Variants in AKR1B15 observed in about 807,000 individuals in gnomAD.
AKR1B15 encodes the protein estradiol 17-beta-dehydrogenase AKR1B15.
Under a neutral mutation model 38.5 loss-of-function variants are expected in AKR1B15, and 49 were observed. The observed-to-expected ratio is 1.27, with a 90% CI of 1.01 to 1.62. The LOEUF is 1.62. Among genes scored for constraint, AKR1B15 ranks in the 40% most tolerant of loss-of-function variants. The probability of loss-of-function intolerance (pLI) is 0.00; values close to 1 mark genes in which losing one functional copy is unlikely to be tolerated. For missense variants in AKR1B15, 411 were observed against 381.6 expected (o/e 1.08, Z -0.64); for synonymous variants, 137 against 135.5 (o/e 1.01, Z -0.08).
intron 3 of AKR1B15, among the ~76,000 whole-genome samples, chr7:134,567,560 C>G (rs1274446790): frequency 1.3e-5 from 2 of 151,386 alleles, no homozygotes; most frequent in Non-Finnish European, 2.9e-5. Flanking sequence ...ATTTTTTTTT[C>G]CATTTTGCCG....
rs370551015 is a variant in AKR1B15, at chr7:134,579,623, C to G, written c.*74C>G. 1.5e-4 allele frequency: 200 copies of G among 1,350,802 alleles called. No homozygotes were observed. Among genetic ancestry groups the G allele is most frequent in the Admixed American group, 2.6e-4 (10 of 38,688 alleles). The allele number at this position is 1,350,802 out of a possible 1,614,324, so 83.7% of individuals were successfully genotyped here. ...AAGTGTGACTGTCTCCACTCAAGAA[C>G]TATTTTAGCCAAGCTTATCTGAGAT... On this transcript the variant is annotated 3_prime_UTR_variant, in exon 12 of 12. Coordinates refer to ENST00000457545, the MANE Select transcript of AKR1B15 (RefSeq NM_001080538.3).
intron 6 of AKR1B15, among the ~76,000 whole-genome samples, chr7:134,572,610 A>G (rs915786384): frequency 1.3e-5 from 2 of 151,504 alleles, no homozygotes; most frequent in Non-Finnish European, 1.5e-5. Flanking sequence ...CCCAGGCGTC[A>G]GTGCAAGACA....
intron 1 of AKR1B15, among the ~76,000 whole-genome samples, chr7:134,550,401 C>T (rs939326461): frequency 2.6e-5 from 4 of 152,048 alleles, no homozygotes; most frequent in Non-Finnish European, 5.9e-5. Flanking sequence ...AGGAAAGGAC[C>T]GAGTTTGAAC....
At chr7:134,567,093 G>A (rs1484517122) in intron 3 of AKR1B15, among the ~76,000 whole-genome samples, 1 of 152,200 alleles carries the variant, frequency 6.6e-6, no homozygotes, top group Non-Finnish European at 1.5e-5. Flanking sequence ...AGCGGTTGGG[G>A]TCACAGGGCT....
chr7:134,552,258 G>A (rs965960251), intron 1 of AKR1B15, among the ~76,000 whole-genome samples: 5 of 152,174 alleles, frequency 3.3e-5, no homozygotes, highest in Admixed American at 2.6e-4. Flanking sequence ...GGGACACAAT[G>A]CCCCCTACTG....
At chr7:134,549,427 C>T (rs547100947) in intron 1 of AKR1B15, among the ~76,000 whole-genome samples, 178 bp downstream of exon 1, 18 of 152,216 alleles carry the variant, frequency 1.2e-4, no homozygotes, top group Non-Finnish European at 2.1e-4. Context: ...TTCAGGTCTC[C>T]GGGAGATCTC....
At chr7:134,558,375 C>T (rs1006429694) in intron 2 of AKR1B15, among the ~76,000 whole-genome samples, 7 of 152,190 alleles carry the variant, frequency 4.6e-5, no homozygotes, top group African/African-American at 1.4e-4. Context: ...CAATCCCATT[C>T]TCACGTGCAA....
intron 3 of AKR1B15, 42 bp from the exon 4 acceptor site, chr7:134,568,116 A>G (rs1473418539): frequency 6.2e-7 from 1 of 1,610,934 alleles, no homozygotes; most frequent in Non-Finnish European, 8.5e-7. Flanking sequence ...CATCTCTTAA[A>G]AAAAAAATAC....
At chr7:134,564,050 A>G (rs1794478990) in intron 2 of AKR1B15, among the ~76,000 whole-genome samples, 1 of 152,154 alleles carries the variant, frequency 6.6e-6, no homozygotes, top group African/African-American at 2.4e-5. Context: ...ATGTCCCAAC[A>G]TTAACATTGC....
intron 2 of AKR1B15, among the ~76,000 whole-genome samples, chr7:134,563,303 C>A (rs1012201985): frequency 2.0e-5 from 3 of 152,184 alleles, no homozygotes; most frequent in African/African-American, 7.2e-5. Context: ...AGGCACAGCT[C>A]ATGCCTGTAA....
In AKR1B15 at chr7:134,576,523, G is replaced by C. The variant is rs952900740; in HGVS notation, c.825+93G>C. ...GTTGTCCTCAACTGACTCCTTAAAG[G>C]GGAAGAACACAGGAGCTGAAGCCCT... On this transcript the variant is annotated intron_variant, in intron 9 of 11. Transcript: ENST00000457545. 8.2e-6 allele frequency: 12 copies of C among 1,456,136 alleles called. No homozygotes were observed. In the African/African-American group the frequency reaches 1.6e-4, roughly 19 times the overall value. 90.2% of individuals were successfully genotyped at this position (1,456,136 alleles called of 1,614,324 possible).
chr7:134,549,983 G>A (rs919831105), intron 1 of AKR1B15, among the ~76,000 whole-genome samples: 5 of 152,134 alleles, frequency 3.3e-5, no homozygotes, highest in Non-Finnish European at 7.3e-5. Flanking sequence ...TTGTTATGGG[G>A]AAGGGTGTGG....
At chr7:134,571,313 T>C (rs1794662480) in intron 5 of AKR1B15, among the ~76,000 whole-genome samples, 1 of 152,188 alleles carries the variant, frequency 6.6e-6, no homozygotes, top group South Asian at 2.1e-4. Flanking sequence ...TGGGTGTGTA[T>C]AGGATGTAGG....
intron 1 of AKR1B15, among the ~76,000 whole-genome samples, chr7:134,551,574 G>A (rs980972874): frequency 6.6e-6 from 1 of 152,176 alleles, no homozygotes; most frequent in African/African-American, 2.4e-5. Flanking sequence ...AGCCCAGAGA[G>A]TTTTCGACAA....
At chr7:134,555,444 G>T (rs189534242) in intron 1 of AKR1B15, among the ~76,000 whole-genome samples, 10 of 152,216 alleles carry the variant, frequency 6.6e-5, no homozygotes, top group African/African-American at 2.4e-4. Flanking sequence ...CAAAAAAAAT[G>T]GGTCCCCAAG....
intron 6 of AKR1B15, chr7:134,573,571 A>C: frequency 1.0e-6 from 1 of 983,934 alleles, no homozygotes; most frequent in Non-Finnish European, 1.2e-6. Flanking sequence ...ACCCACAACC[A>C]GTTCAGTAGA....
intron 10 of AKR1B15, among the ~76,000 whole-genome samples, 151 bp downstream of exon 10, chr7:134,577,197 G>A (rs867187133): frequency 2.0e-4 from 30 of 152,196 alleles, no homozygotes; most frequent in Middle Eastern, 3.4e-3. Context: ...AGCTAGGCTC[G>A]GTAGAGCTGA....
chr7:134,567,823 G>C (rs1246794676), intron 3 of AKR1B15, among the ~76,000 whole-genome samples: 4 of 152,144 alleles, frequency 2.6e-5, no homozygotes, highest in Non-Finnish European at 5.9e-5. Context: ...CTGACTTTTA[G>C]CTAGGATAGG....
chr7:134,564,924 T>A, intron 3 of AKR1B15, 155 bp downstream of exon 3: 1 of 489,604 alleles, frequency 2.0e-6, no homozygotes, highest in East Asian at 3.3e-5. Flanking sequence ...AATGCACCAA[T>A]CAGTGCTCTG....
Sources: allele counts gnomAD v4.1 joint callset (sites outside exome capture counted in the v4.1 genomes callset), GRCh38; gene constraint gnomAD v4.1.1; transcripts MANE v1.5; gene names NCBI Gene and HGNC (gene_info 2026-07-23, HGNC 2026-07-21).